The following INSC variants were observed in gnomAD, a reference collection of about 807,000 sequenced individuals.
The protein encoded by INSC is protein inscuteable homolog.
Under a neutral mutation model 58.6 loss-of-function variants are expected in INSC, and 67 were observed. The observed-to-expected ratio is 1.14, with a 90% CI of 0.94 to 1.40. The LOEUF is 1.40. Ranked by LOEUF, INSC falls within the 40% of genes most tolerant of loss-of-function variation. The pLI is 0.00. For synonymous variants in INSC, 262 were observed against 276.1 expected (o/e 0.95, Z 0.51); for missense variants, 714 against 692.0 (o/e 1.03, Z -0.36).
rs1851824604 is a variant in INSC, at chr11:15,229,982, TATATATATA to T, written c.1170+4155_1170+4163del. Among the ~76,000 whole-genome samples, 9 of 24,114 alleles carry T rather than the reference TATATATATA, an allele frequency of 3.7e-4. No homozygotes were observed. In the South Asian group the frequency reaches 5.2e-3, roughly 14 times the overall value. 15.8% of individuals were successfully genotyped at this position (24,114 alleles called of 152,430 possible). A position where few individuals can be genotyped will look rare whatever the true frequency, so the allele number is the denominator to read the frequency against. Reference sequence around the variant, plus strand: ...TATTTATATATATATATATATATTATATATATATATATATATATATATATATATATAATA... The same window carrying T: ...TATTTATATATATATATATATATTATTATATATATATATATATATATAATA... On this transcript the variant is annotated intron_variant, in intron 9 of 12. Transcript: ENST00000379556.
At chr11:15,178,579 C>T in intron 5 of INSC, 132 bp downstream of exon 5, 2 of 1,105,676 alleles carry the variant, frequency 1.8e-6, no homozygotes, top group Non-Finnish European at 2.5e-6. Flanking sequence ...ACTCAAACCA[C>T]CAAAGTCAAC....
chr11:15,175,505 A>C (rs1236926087), intron 2 of INSC, among the ~76,000 whole-genome samples: 2 of 152,154 alleles, frequency 1.3e-5, no homozygotes, highest in Admixed American at 1.3e-4. Context: ...ACTCTGTCAG[A>C]CATAATTACC....
chr11:15,208,339 C>T (rs1850888804), intron 7 of INSC, among the ~76,000 whole-genome samples: 1 of 151,494 alleles, frequency 6.6e-6, no homozygotes, highest in African/African-American at 2.5e-5. Flanking sequence ...GCCCAGGGTC[C>T]CAGGTTAGCT....
In INSC at chr11:15,149,157, C is replaced by T. The variant is rs766208816; in HGVS notation, c.-18C>T. Reference sequence around the variant, plus strand: ...TCACGACCGCTGCAAGCAGGCTTTGCTGCAGATTGGGATCAACATGATGGC... The same window carrying T: ...TCACGACCGCTGCAAGCAGGCTTTGTTGCAGATTGGGATCAACATGATGGC... On this transcript the variant is annotated 5_prime_UTR_variant, in exon 2 of 13. Transcript: ENST00000379556. The T allele has an allele frequency of 6.2e-7, 1 of 1,611,318 alleles. No homozygotes were observed. The highest frequency in any genetic ancestry group is 8.5e-7 in the Non-Finnish European group (1 of 1,178,818).
intron 1 of INSC, among the ~76,000 whole-genome samples, chr11:15,147,197 C>T (rs1323031068): frequency 3.3e-5 from 5 of 152,328 alleles, no homozygotes; most frequent in African/African-American, 7.2e-5. Flanking sequence ...GCAAACGCCT[C>T]ATTTTATTGT....
intron 4 of INSC, among the ~76,000 whole-genome samples, chr11:15,177,415 T>C (rs1467139218): frequency 6.6e-6 from 1 of 151,698 alleles, no homozygotes; most frequent in Admixed American, 6.6e-5. Flanking sequence ...TTTCTAGGAG[T>C]TGGTAACAAG....
intron 12 of INSC, among the ~76,000 whole-genome samples, chr11:15,242,835 A>G (rs1023375818): frequency 6.6e-6 from 1 of 152,096 alleles, no homozygotes; most frequent in Non-Finnish European, 1.5e-5. Flanking sequence ...GGCAGGTTCC[A>G]TTATCTTTGT....
chr11:15,234,617 T>C (rs1056202239), intron 9 of INSC, among the ~76,000 whole-genome samples: 1 of 152,234 alleles, frequency 6.6e-6, no homozygotes, highest in Middle Eastern at 3.2e-3. Context: ...GAGAGGCTTG[T>C]ACCAGTGAGA....
chr11:15,242,117 A>C (rs1029782654), intron 12 of INSC, among the ~76,000 whole-genome samples: 4 of 152,214 alleles, frequency 2.6e-5, no homozygotes, highest in Non-Finnish European at 5.9e-5. Flanking sequence ...TGTTCTAGCA[A>C]GTGAAGTGAG....
chr11:15,261,436 A>G, the INSC span, among the ~76,000 whole-genome samples: 2 of 152,204 alleles, frequency 1.3e-5, no homozygotes, highest in South Asian at 4.1e-4. Flanking sequence ...ATAAAGTAAC[A>G]CAATATTGAC....
rs373000148 is a variant in INSC at position 15,168,802 on chromosome 11, CTGGGACAA to C, written c.57-6935_57-6928del. On this transcript the variant is annotated intron_variant, in intron 2 of 12. Transcript: ENST00000379556. ...ACTAGAAGGGGCTCAAGGGAGAGTT[CTGGGACAA>C]TGGTAATAGTTAGGTTTCTTTATCT... 4.6e-5 allele frequency among the ~76,000 whole-genome samples: 7 copies of C among 152,248 alleles called. No homozygotes were observed. The East Asian group carries it at 1.4e-3, about 29-fold the overall frequency.
Position 15,126,429 on chromosome 11 carries a change from G to T in INSC, c.-46+11426G>T, listed in dbSNP as rs138702428. On this transcript the variant is annotated intron_variant, in intron 1 of 12. Coordinates refer to ENST00000379556, the MANE Select transcript of INSC (RefSeq NM_001042536.3). ...CAGAGAAGACTGGGTTCTGGGAAGAGCAAGCTGGAGAAAAATATTCAGGTC... is the reference window on the plus strand; with the variant it reads ...CAGAGAAGACTGGGTTCTGGGAAGATCAAGCTGGAGAAAAATATTCAGGTC... 2.9e-3 allele frequency among the ~76,000 whole-genome samples: 436 copies of T among 152,296 alleles called. 15 individuals carry two copies. Among genetic ancestry groups the T allele is most frequent in the Admixed American group, 0.027 (412 of 15,298 alleles).
intron 2 of INSC, 122 bp from the exon 3 acceptor site, chr11:15,175,619 G>T: frequency 1.6e-6 from 1 of 613,794 alleles, no homozygotes. Context: ...CAAGGTGCAT[G>T]AATGGGAGAA....
At chr11:15,131,158 GTATT>G (rs1273550750) in intron 1 of INSC, among the ~76,000 whole-genome samples, 2 of 151,894 alleles carry the variant, frequency 1.3e-5, no homozygotes, top group African/African-American at 4.8e-5. Context: ...TCTAATTTAA[GTATT>G]TAAGTCTATA....
At chr11:15,210,763 T>C (rs1850994332) in intron 7 of INSC, among the ~76,000 whole-genome samples, 1 of 152,000 alleles carries the variant, frequency 6.6e-6, no homozygotes, top group Non-Finnish European at 1.5e-5. Flanking sequence ...CCCTGAGTGC[T>C]TCTGGAGTGG....
chr11:15,150,731 G>T (rs1228829378), intron 2 of INSC, among the ~76,000 whole-genome samples: 2 of 152,200 alleles, frequency 1.3e-5, no homozygotes, highest in African/African-American at 4.8e-5. Flanking sequence ...CTGACAGGGT[G>T]TGGTGGTTCT....
chr11:15,224,081 C>A (rs946833809), intron 8 of INSC, among the ~76,000 whole-genome samples: 2 of 152,144 alleles, frequency 1.3e-5, no homozygotes, highest in Non-Finnish European at 2.9e-5. Flanking sequence ...GCCATAAGAC[C>A]AGGAGCAAAT....
chr11:15,202,562 G>A (rs1446408565), intron 7 of INSC, among the ~76,000 whole-genome samples: 1 of 152,158 alleles, frequency 6.6e-6, no homozygotes, highest in African/African-American at 2.4e-5. Context: ...TTCACGTTCT[G>A]AATAATTCCC....
chr11:15,228,326 T>G (rs1002960860), intron 9 of INSC, among the ~76,000 whole-genome samples: 3 of 152,202 alleles, frequency 2.0e-5, no homozygotes, highest in Non-Finnish European at 4.4e-5. Flanking sequence ...GAAGCCTCAC[T>G]GAGTCCTAGG....
Sources: gnomAD v4.1 joint callset for allele counts (sites outside exome capture counted in the v4.1 genomes callset) on GRCh38, gnomAD v4.1.1 for gene constraint, MANE v1.5 for transcripts, NCBI Gene and HGNC (gene_info 2026-07-23, HGNC 2026-07-21) for gene names.